Variants in HMCN1 observed in about 807,000 individuals in gnomAD.
The protein encoded by HMCN1 is hemicentin 1.
A neutral mutation model predicts 625.9 loss-of-function variants in HMCN1; 321 were observed. The observed-to-expected ratio is 0.51, with a 90% CI of 0.47 to 0.56. The LOEUF (loss-of-function observed/expected upper bound fraction) is 0.56, where lower values mean the gene tolerates loss of function less well. HMCN1 is among the 20% of genes least tolerant of loss of function. The probability of loss-of-function intolerance (pLI) is 0.00; values close to 1 mark genes in which losing one functional copy is unlikely to be tolerated. For missense variants in HMCN1, 6,588 were observed against 6,887.3 expected (o/e 0.96, Z 1.54); for synonymous variants, 2,425 against 2,417.6 (o/e 1.00, Z -0.09).
At chr1:186,039,691 G>A (rs1286228621) in intron 38 of HMCN1, 37 bp from the exon 39 acceptor site, 8 of 1,603,498 alleles carry the variant, frequency 5.0e-6, no homozygotes, top group Non-Finnish European at 6.8e-6. Context: ...CAAATCCTGT[G>A]ATATTAACGT....
intron 4 of HMCN1, among the ~76,000 whole-genome samples, chr1:185,866,397 ATTTTT>A (rs969071873): frequency 9.7e-6 from 1 of 102,578 alleles, no homozygotes; most frequent in African/African-American, 4.1e-5. Context: ...GTTTGTCATA[ATTTTT>A]TTTTTTTTTT....
intron 69 of HMCN1, among the ~76,000 whole-genome samples, chr1:186,105,073 A>T (rs1273266960): frequency 1.3e-5 from 2 of 152,242 alleles, no homozygotes; most frequent in Admixed American, 1.3e-4. Context: ...TGAAGGTGTC[A>T]TAGAGTGTTA....
intron 15 of HMCN1, among the ~76,000 whole-genome samples, chr1:185,973,810 C>T (rs1252560664): frequency 2.0e-5 from 3 of 152,056 alleles, no homozygotes; most frequent in Non-Finnish European, 4.4e-5. Context: ...AAAAAGTTGG[C>T]TTGGCAGTGA....
intron 1 of HMCN1, among the ~76,000 whole-genome samples, chr1:185,833,344 A>G (rs1660982146): frequency 6.6e-6 from 1 of 152,206 alleles, no homozygotes; most frequent in African/African-American, 2.4e-5. Flanking sequence ...TACATTATTA[A>G]GAAGACATCA....
Position 186,115,319 on chromosome 1 carries a change from T to G in HMCN1, c.11466T>G (p.Thr3822=), listed in dbSNP as rs1661083788. 6.2e-7 allele frequency: 1 copy of G among 1,614,062 alleles called. No homozygotes were observed. The highest frequency in any genetic ancestry group is 8.5e-7 in the Non-Finnish European group (1 of 1,179,956). ...CTGTAATAGTAAATGTTCAAACTAC[T>G]CTGGCTTGTGAGGCTACTGGGATAC... The part of the protein sequence containing the change: ...NMTVIVNVQT[T]LACEATGIPK... Residue 3822 remains threonine, a synonymous_variant, in exon 75 of 107, where the codon ACT becomes ACG. Transcript: ENST00000271588.
intron 9 of HMCN1, 25 bp downstream of exon 9, chr1:185,925,216 T>C (rs762258649): frequency 6.3e-7 from 1 of 1,597,772 alleles, no homozygotes; most frequent in East Asian, 2.2e-5. Flanking sequence ...CTGTCAGTAA[T>C]AAGATTCAGC....
At chr1:185,748,920 A>G (rs1654610032) in intron 1 of HMCN1, among the ~76,000 whole-genome samples, 1 of 152,304 alleles carries the variant, frequency 6.6e-6, no homozygotes, top group African/African-American at 2.4e-5. Flanking sequence ...GTAACTGGGC[A>G]GGTAACTAGA....
intron 8 of HMCN1, among the ~76,000 whole-genome samples, chr1:185,924,288 T>C (rs1170444118): frequency 7.6e-6 from 1 of 131,692 alleles, no homozygotes; most frequent in Non-Finnish European, 1.6e-5. Flanking sequence ...TGGAGTGCAG[T>C]GGCGCGATCT....
At chr1:186,135,107 T>A (rs1281205904) in intron 86 of HMCN1, among the ~76,000 whole-genome samples, 1 of 152,214 alleles carries the variant, frequency 6.6e-6, no homozygotes, top group African/African-American at 2.4e-5. Context: ...CAACTCTCTT[T>A]TTCCCAATGA....
At chr1:185,978,616 G>A (rs563311061) in intron 16 of HMCN1, among the ~76,000 whole-genome samples, 16 of 152,128 alleles carry the variant, frequency 1.1e-4, no homozygotes, top group African/African-American at 2.7e-4. Context: ...ATAATGGGAT[G>A]TTTGGGGTAT....
chr1:186,040,856 G>T (rs1198133059), intron 39 of HMCN1, among the ~76,000 whole-genome samples, 157 bp from the exon 40 acceptor site: 2 of 151,978 alleles, frequency 1.3e-5, no homozygotes, highest in East Asian at 1.9e-4. Context: ...GATGAAAAGG[G>T]TATTATATGA....
chr1:186,011,627 C>T (rs1654009792), intron 30 of HMCN1, among the ~76,000 whole-genome samples: 1 of 152,182 alleles, frequency 6.6e-6, no homozygotes, highest in African/African-American at 2.4e-5. Context: ...GTGTGACACA[C>T]TGCTAGAACT....
chr1:185,797,718 G>A (rs763174163), intron 1 of HMCN1, among the ~76,000 whole-genome samples: 4 of 128,462 alleles, frequency 3.1e-5, no homozygotes, highest in Non-Finnish European at 5.9e-5. Context: ...TGTAATCCCA[G>A]CACTTTGGGA....
chr1:185,796,238 A>T (rs908688265), intron 1 of HMCN1, among the ~76,000 whole-genome samples: 6 of 152,112 alleles, frequency 3.9e-5, no homozygotes, highest in Admixed American at 1.3e-4. Flanking sequence ...ACAGTTCACG[A>T]TAGGGTTTGT....
intron 89 of HMCN1, 81 bp from the exon 90 acceptor site, chr1:186,144,092 C>A: frequency 1.6e-6 from 2 of 1,284,434 alleles, no homozygotes; most frequent in Non-Finnish European, 1.1e-6. Context: ...TAGCTCATTA[C>A]TGAGTTAATT....
At chr1:186,042,150 T>A (rs556597515) in intron 40 of HMCN1, among the ~76,000 whole-genome samples, 3 of 152,288 alleles carry the variant, frequency 2.0e-5, no homozygotes, top group South Asian at 2.1e-4. Context: ...CTATGTTCCC[T>A]TTCTTTTCTG....
chr1:186,088,584 T>A (rs949657769), intron 62 of HMCN1, 22 bp from the exon 63 acceptor site: 1 of 1,608,954 alleles, frequency 6.2e-7, no homozygotes. Context: ...TATGTTTTAT[T>A]GTGCTTTGTT....
intron 56 of HMCN1, among the ~76,000 whole-genome samples, chr1:186,082,036 A>G (rs7530133): frequency 1.3e-5 from 2 of 151,980 alleles, no homozygotes; most frequent in Non-Finnish European, 1.5e-5. Context: ...CAAAAGAGAA[A>G]GAGGTTTATT....
intron 11 of HMCN1, among the ~76,000 whole-genome samples, chr1:185,938,132 A>T (rs576200526): frequency 6.6e-6 from 1 of 152,224 alleles, no homozygotes; most frequent in South Asian, 2.1e-4. Flanking sequence ...GAAATTAGAA[A>T]CAGAAGTTTA....
Sources: gnomAD v4.1 joint callset for allele counts (sites outside exome capture counted in the v4.1 genomes callset) on GRCh38, gnomAD v4.1.1 for gene constraint, MANE v1.5 for transcripts, NCBI Gene and HGNC (gene_info 2026-07-23, HGNC 2026-07-21) for gene names.